Variants in PCDHGB3 observed in about 807,000 individuals in gnomAD.
PCDHGB3 encodes protocadherin gamma-B3.
PCDHGB3 carries 40 observed loss-of-function variants against 59.2 expected under a neutral mutation model. The observed-to-expected ratio is 0.68, with a 90% CI of 0.52 to 0.88. The LOEUF is 0.88. Among genes scored for constraint, PCDHGB3 ranks in the 40% least tolerant of loss-of-function variants. The pLI, the probability that PCDHGB3 is intolerant of heterozygous loss-of-function variation, is 0.00. For synonymous variants in PCDHGB3, 581 were observed against 503.6 expected (o/e 1.15, Z -2.06); for missense variants, 1,309 against 1,187.9 (o/e 1.10, Z -1.50).
intron 1 of PCDHGB3, among the ~76,000 whole-genome samples, chr5:141,484,569 AGACT>A (rs1376518478): frequency 1.3e-5 from 2 of 152,106 alleles, no homozygotes; most frequent in African/African-American, 2.4e-5. Context: ...CAATACAATC[AGACT>A]GAGACGGAAG....
At chr5:141,409,358 A>G (rs757614552) in intron 1 of PCDHGB3, 2 of 1,613,900 alleles carry the variant, frequency 1.2e-6, no homozygotes, top group Non-Finnish European at 8.5e-7. Flanking sequence ...CAGGTGTAAT[A>G]TAGAAACAGA....
intron 1 of PCDHGB3, among the ~76,000 whole-genome samples, chr5:141,452,068 A>G (rs554365813): frequency 1.1e-3 from 160 of 152,308 alleles, no homozygotes; most frequent in Middle Eastern, 6.8e-3. Flanking sequence ...TTCTACTTTT[A>G]TTAGTTGGCA....
At chr5:141,473,330 C>T (rs1431360397) in intron 1 of PCDHGB3, among the ~76,000 whole-genome samples, 2 of 152,208 alleles carry the variant, frequency 1.3e-5, no homozygotes, top group East Asian at 3.8e-4. Flanking sequence ...TAAGTGCCTG[C>T]TGTGCTAGAC....
At chr5:141,452,106 CTCT>C (rs748460925) in intron 1 of PCDHGB3, among the ~76,000 whole-genome samples, 12 of 152,096 alleles carry the variant, frequency 7.9e-5, no homozygotes, top group South Asian at 4.1e-4. Flanking sequence ...GCTTTCTTTT[CTCT>C]TCTTATTTAT....
chr5:141,397,919 C>T (rs1158998805), intron 1 of PCDHGB3: 12 of 723,342 alleles, frequency 1.7e-5, no homozygotes, highest in Non-Finnish European at 2.2e-5. Context: ...TCCAGATCTC[C>T]TCGCGCAGCC....
chr5:141,394,511 C>T, intron 1 of PCDHGB3: 1 of 1,614,218 alleles, frequency 6.2e-7, no homozygotes. Flanking sequence ...TGTACCCCGC[C>T]CTCCCCACAG....
chr5:141,457,676 A>G (rs1380484149), intron 1 of PCDHGB3, among the ~76,000 whole-genome samples: 2 of 152,240 alleles, frequency 1.3e-5, no homozygotes, highest in East Asian at 3.8e-4. Flanking sequence ...TTATTTCTAC[A>G]TAGGACTTTT....
At chr5:141,395,131 C>T in intron 1 of PCDHGB3, 1 of 1,614,202 alleles carries the variant, frequency 6.2e-7, no homozygotes, top group Non-Finnish European at 8.5e-7. Flanking sequence ...TTTCCCCAGC[C>T]CAACTACGCA....
At position 141,486,960 on chromosome 5, in the gene PCDHGB3, T is replaced by C; in HGVS notation, c.2416-7847T>C. On this transcript the variant is annotated intron_variant, in intron 1 of 3. Transcript: ENST00000576222. The surrounding 1 kb of genome is among the most constrained non-coding windows in gnomAD (Gnocchi z 5.0). Reference sequence around the variant, plus strand: ...CACCTAATCACAAAGGTGACTGCTGTGGACTTGGATTCAGGTTACAATGCT... The same window carrying C: ...CACCTAATCACAAAGGTGACTGCTGCGGACTTGGATTCAGGTTACAATGCT... The C allele has an allele frequency of 6.2e-7, 1 of 1,614,228 alleles. No individual in the cohort carries two copies. Among genetic ancestry groups the C allele is most frequent in the Non-Finnish European group, 8.5e-7 (1 of 1,180,034 alleles).
At chr5:141,450,982 A>G (rs746572732) in intron 1 of PCDHGB3, among the ~76,000 whole-genome samples, 18 of 151,360 alleles carry the variant, frequency 1.2e-4, no homozygotes, top group Non-Finnish European at 1.9e-4. Context: ...GTGCCACCAC[A>G]CCCGGCTAAT....
chr5:141,432,476 A>G lies in PCDHGB3; in HGVS notation c.2415+59667A>G. 1 of 1,614,080 alleles carries G rather than the reference A, an allele frequency of 6.2e-7. No homozygotes were observed. Among genetic ancestry groups the G allele is most frequent in the East Asian group, 2.2e-5 (1 of 44,874 alleles). ...CCCCGCCCTCCCCACGGACGGTTCCACTGGCGTGGAGCTGGCTCCCCGCTC... is the reference window on the plus strand; with the variant it reads ...CCCCGCCCTCCCCACGGACGGTTCCGCTGGCGTGGAGCTGGCTCCCCGCTC... On this transcript the variant is annotated intron_variant, in intron 1 of 3. Transcript: ENST00000576222. The surrounding 1 kb of genome is among the most constrained non-coding windows in gnomAD (Gnocchi z 6.0).
chr5:141,444,341 T>C (rs909401337), intron 1 of PCDHGB3, among the ~76,000 whole-genome samples: 2 of 151,892 alleles, frequency 1.3e-5, no homozygotes, highest in African/African-American at 4.8e-5. Context: ...CCAGCTAATT[T>C]TGTATTTTTA....
chr5:141,393,959 T>G, intron 1 of PCDHGB3: 1 of 1,613,970 alleles, frequency 6.2e-7, no homozygotes, highest in Non-Finnish European at 8.5e-7. Flanking sequence ...ATGGTCAAGT[T>G]GTCTGTTACA....
intron 1 of PCDHGB3, chr5:141,377,855 G>A (rs1291859496): frequency 6.6e-6 from 1 of 152,074 alleles, no homozygotes; most frequent in Non-Finnish European, 1.5e-5. Flanking sequence ...TTAAAATTAA[G>A]ATTTAAAAGA....
intron 1 of PCDHGB3, chr5:141,404,364 T>A (rs1353392173): frequency 2.5e-6 from 4 of 1,613,962 alleles, no homozygotes; most frequent in Non-Finnish European, 3.4e-6. Context: ...GGTACTTCCA[T>A]CTTCTCCGTG....
At position 141,486,873 on chromosome 5, in the gene PCDHGB3, G is replaced by A. The variant is rs769661146; in HGVS notation, c.2416-7934G>A. On this transcript the variant is annotated intron_variant, in intron 1 of 3. Transcript: ENST00000576222. This position sits in a 1 kb window ranked among gnomAD's most constrained non-coding sequence, Gnocchi z 5.0. ...AATGACAATGCTCCAGCTGTGCTCCGTCCTCGGGCCCGGCCTGGTTCCTTA... is the reference window on the plus strand; with the variant it reads ...AATGACAATGCTCCAGCTGTGCTCCATCCTCGGGCCCGGCCTGGTTCCTTA... 1.6e-5 allele frequency: 26 copies of A among 1,614,082 alleles called. No individual in the cohort carries two copies. Among genetic ancestry groups the A allele is most frequent in the African/African-American group, 4.0e-5 (3 of 74,922 alleles).
At position 141,511,112 on chromosome 5, in the gene PCDHGB3, G is replaced by A. The variant is rs767257788; in HGVS notation, c.2729G>A (p.Gly910Asp). The change falls in exon 4 of 4, where the codon GGC (glycine) becomes GAC (aspartate). Residue 910 changes from glycine (G) to aspartate (D), a missense_variant. Transcript: ENST00000576222. ...ACCAACGCAGCTGGCAAGCGGGATGGCAAGGCCCCAGCAGGTGGCAATGGC... is the reference window on the plus strand; with the variant it reads ...ACCAACGCAGCTGGCAAGCGGGATGACAAGGCCCCAGCAGGTGGCAATGGC... The part of the protein sequence containing the change: ...TLTNAAGKRD[G>D]KAPAGGNGNK... 1 of 1,614,232 alleles carries A rather than the reference G, an allele frequency of 6.2e-7. No individual in the cohort carries two copies.
chr5:141,418,330 A>C (rs1346623372), intron 1 of PCDHGB3: 2 of 1,613,922 alleles, frequency 1.2e-6, no homozygotes, highest in Admixed American at 1.7e-5. Flanking sequence ...TTGAGTCTGC[A>C]GAAGATCCTG....
rs1438257730 is a variant in PCDHGB3, at chr5:141,477,587, C to G, written c.2416-17220C>G. 4.3e-6 allele frequency: 7 copies of G among 1,614,094 alleles called. 1 individual carries two copies. In the South Asian group the frequency reaches 7.7e-5, roughly 18 times the overall value. ...GGACCCCGACGCCCCGCAGAATGCT[C>G]GGCTTTCTTTCTTTCTCTTGGAGCA... On this transcript the variant is annotated intron_variant, in intron 1 of 3. Transcript: ENST00000576222. The surrounding 1 kb of genome is among the most constrained non-coding windows in gnomAD (Gnocchi z 4.9).
Sources: gnomAD v4.1 joint callset for allele counts (sites outside exome capture counted in the v4.1 genomes callset) on GRCh38, gnomAD v4.1.1 for gene constraint, Gnocchi (gnomAD v3.1) non-coding constraint, MANE v1.5 for transcripts, NCBI Gene and HGNC (gene_info 2026-07-23, HGNC 2026-07-21) for gene names.